Variants in TRPC4AP observed in about 807,000 individuals in gnomAD.
TRPC4AP encodes the protein short transient receptor potential channel 4-associated protein.
TRPC4AP carries 45 observed loss-of-function variants against 99.0 expected under a neutral mutation model. The ratio of observed to expected loss-of-function variants is 0.45; its 90% confidence interval spans 0.36 to 0.58. The LOEUF is 0.58. Ranked by LOEUF, TRPC4AP falls within the 20% of genes least tolerant of loss-of-function variation. The pLI, the probability that TRPC4AP is intolerant of heterozygous loss-of-function variation, is 0.00. For synonymous variants in TRPC4AP, 408 were observed against 385.8 expected (o/e 1.06, Z -0.67); for missense variants, 879 against 985.3 (o/e 0.89, Z 1.44).
At chr20:35,068,946 T>TACACACACAC (rs71196783) in intron 3 of TRPC4AP, among the ~76,000 whole-genome samples, 6 of 113,176 alleles carry the variant, frequency 5.3e-5, no homozygotes, top group African/African-American at 1.5e-4. Flanking sequence ...GGGGAATATT[T>TACACACACAC]ACACACACAC....
intron 17 of TRPC4AP, 79 bp from the exon 18 acceptor site, chr20:35,003,695 C>A: frequency 2.0e-6 from 3 of 1,490,088 alleles, no homozygotes; most frequent in South Asian, 1.2e-5. Flanking sequence ...AGCCATCAGG[C>A]AGGGAGGAGA....
intron 8 of TRPC4AP, among the ~76,000 whole-genome samples, chr20:35,032,464 G>C (rs1177785208): frequency 7.8e-6 from 1 of 128,422 alleles, no homozygotes; most frequent in Non-Finnish European, 1.6e-5. Flanking sequence ...TTAGTTCTTT[G>C]ATCTTTTTTT....
chr20:35,042,875 G>A (rs1471547941), intron 7 of TRPC4AP, among the ~76,000 whole-genome samples: 1 of 152,088 alleles, frequency 6.6e-6, no homozygotes, highest in African/African-American at 2.4e-5. Flanking sequence ...AACAATATAT[G>A]AAAGTATACA....
chr20:35,091,668 T>C (rs1302727201), intron 1 of TRPC4AP, among the ~76,000 whole-genome samples: 1 of 152,144 alleles, frequency 6.6e-6, no homozygotes, highest in African/African-American at 2.4e-5. Flanking sequence ...TAGGTCCTAT[T>C]CAACCTGGTT....
At chr20:35,090,828 T>A (rs1262614129) in intron 1 of TRPC4AP, among the ~76,000 whole-genome samples, 1 of 152,226 alleles carries the variant, frequency 6.6e-6, no homozygotes, top group East Asian at 1.9e-4. Flanking sequence ...TTTAGGAACA[T>A]ATCATCTAAC....
At chr20:35,074,934 C>T (rs4621232) in intron 2 of TRPC4AP, among the ~76,000 whole-genome samples, 145,423 of 152,294 alleles carry the variant, frequency 0.95, 69,529 homozygotes, top group East Asian at 1. Context: ...GCTTTATGAA[C>T]CTGGGTGCTC....
chr20:35,059,921 AAAGACGAAG>A (rs902765894), intron 3 of TRPC4AP, among the ~76,000 whole-genome samples: 2 of 112,416 alleles, frequency 1.8e-5, no homozygotes, highest in African/African-American at 5.9e-5. Context: ...CGAAGAAGAC[AAAGACGAAG>A]AAGACGAAGA....
chr20:35,013,216 C>T, intron 10 of TRPC4AP, 150 bp from the exon 11 acceptor site: 1 of 674,770 alleles, frequency 1.5e-6, no homozygotes, highest in Non-Finnish European at 2.6e-6. Context: ...CATCTGTTCA[C>T]TTCCACATCT....
chr20:35,092,278 G>T (rs994169087), intron 1 of TRPC4AP, among the ~76,000 whole-genome samples: 7 of 152,146 alleles, frequency 4.6e-5, no homozygotes, highest in African/African-American at 1.4e-4. Context: ...ATAAACTCGA[G>T]GCCCACAGAG....
chr20:35,092,654 T>C lies in TRPC4AP; in HGVS notation c.128A>G (p.Gln43Arg), dbSNP rs1235668844. 2.0e-6 allele frequency: 3 copies of C among 1,480,120 alleles called. No homozygotes were observed. The highest frequency in any genetic ancestry group is 4.1e-5 in the Admixed American group (2 of 48,604). 91.7% of individuals were successfully genotyped at this position (1,480,120 alleles called of 1,614,324 possible). A position where few individuals can be genotyped will look rare whatever the true frequency, so the allele number is the denominator to read the frequency against. Residue 43 changes from glutamine (Q) to arginine (R), a missense_variant, in exon 1 of 19, where the codon CAG (glutamine) becomes CGG (arginine). Around this residue, in one of 3 missense-constraint regions of TRPC4AP, gnomAD observed 603 missense variants for 631.8 expected, o/e 0.95. Transcript: ENST00000252015. ...CAGGCCCCGGCCGGTCAGCTGGCCC[T>C]GCCGCAGCTGCAGCAGAATGTTACC... is the stretch of plus-strand genomic sequence containing the variant. ...RPGNILLQLR[Q>R]GQLTGRGLVR...
chr20:35,017,107 A>G (rs2082772506), intron 9 of TRPC4AP, among the ~76,000 whole-genome samples: 1 of 152,186 alleles, frequency 6.6e-6, no homozygotes, highest in Admixed American at 6.5e-5. Context: ...AACACTACTC[A>G]CTATAGCATT....
At chr20:35,005,858 T>A in intron 15 of TRPC4AP, 55 bp from the exon 16 acceptor site, 1 of 1,524,656 alleles carries the variant, frequency 6.6e-7, no homozygotes, top group Non-Finnish European at 9.1e-7. Context: ...GGTATGGCCA[T>A]GGCCCGGGGG....
At chr20:35,050,074 G>GA in intron 5 of TRPC4AP, 80 bp from the exon 6 acceptor site, 1 of 1,482,838 alleles carries the variant, frequency 6.7e-7, no homozygotes, top group Non-Finnish European at 9.1e-7. Context: ...TACAGACACT[G>GA]AAAAGCAGTT....
chr20:35,069,249 C>T (rs2084240553), intron 3 of TRPC4AP, 47 bp downstream of exon 3: 2 of 1,088,106 alleles, frequency 1.8e-6, no homozygotes. Flanking sequence ...AATTCCCAAA[C>T]CATTAAGCAG....
At chr20:35,070,693 C>T (rs528040126) in intron 2 of TRPC4AP, among the ~76,000 whole-genome samples, 8 of 152,282 alleles carry the variant, frequency 5.3e-5, no homozygotes, top group African/African-American at 1.2e-4. Context: ...TCACTGCGCC[C>T]GGCCAAACCT....
intron 4 of TRPC4AP, among the ~76,000 whole-genome samples, chr20:35,055,596 C>T (rs1801694358): frequency 6.6e-6 from 1 of 152,228 alleles, no homozygotes; most frequent in Non-Finnish European, 1.5e-5. Flanking sequence ...TAGTCTCGAA[C>T]TCCTAGGCTC....
chr20:35,087,095 C>T (rs1267088579), intron 1 of TRPC4AP, among the ~76,000 whole-genome samples: 4 of 148,904 alleles, frequency 2.7e-5, no homozygotes, highest in East Asian at 2.0e-4. Context: ...CTTGGGAGGC[C>T]GAGGTGGGCG....
chr20:35,089,008 G>A (rs1245293346), intron 1 of TRPC4AP, among the ~76,000 whole-genome samples: 1 of 150,966 alleles, frequency 6.6e-6, no homozygotes, highest in Non-Finnish European at 1.5e-5. Flanking sequence ...TCACAACAAT[G>A]GGAATATACT....
intron 2 of TRPC4AP, among the ~76,000 whole-genome samples, chr20:35,069,894 T>A (rs530468813): frequency 6.6e-6 from 1 of 152,052 alleles, no homozygotes; most frequent in Non-Finnish European, 1.5e-5. Context: ...TGAGCCAACA[T>A]AGAGCCACTG....
Sources: gnomAD v4.1 joint callset for allele counts (sites outside exome capture counted in the v4.1 genomes callset) on GRCh38, gnomAD v4.1.1 for gene constraint, gnomAD v4.1.1 regional missense constraint, MANE v1.5 for transcripts, NCBI Gene and HGNC (gene_info 2026-07-23, HGNC 2026-07-21) for gene names.